Variants in GALNTL6 observed in about 807,000 individuals in gnomAD.
The protein encoded by GALNTL6 is polypeptide N-acetylgalactosaminyltransferase-like 6.
GALNTL6 carries 46 observed loss-of-function variants against 73.7 expected under a neutral mutation model. That is an observed-to-expected ratio of 0.62 (90% CI 0.49 to 0.80). The LOEUF (loss-of-function observed/expected upper bound fraction) is 0.80. Among genes scored for constraint, GALNTL6 ranks in the 30% least tolerant of loss-of-function variants. The pLI, the probability that GALNTL6 is intolerant of heterozygous loss-of-function variation, is 0.00. For synonymous variants in GALNTL6, 259 were observed against 263.7 expected (o/e 0.98, Z 0.17); for missense variants, 604 against 755.0 (o/e 0.80, Z 2.34).
intron 5 of GALNTL6, among the ~76,000 whole-genome samples, chr4:172,630,024 G>A (rs1208581919): frequency 6.6e-6 from 1 of 152,164 alleles, no homozygotes; most frequent in African/African-American, 2.4e-5. Context: ...AGAGAATTCA[G>A]TGTTCAGGAA....
At chr4:172,055,636 A>G (rs1392304840) in intron 2 of GALNTL6, among the ~76,000 whole-genome samples, 2 of 152,116 alleles carry the variant, frequency 1.3e-5, no homozygotes, top group Non-Finnish European at 2.9e-5. Flanking sequence ...AGACATTGCA[A>G]ATGGGAAAAC....
chr4:171,866,582 T>C (rs1417266985), intron 2 of GALNTL6, among the ~76,000 whole-genome samples: 2 of 152,256 alleles, frequency 1.3e-5, no homozygotes, highest in African/African-American at 4.8e-5. Context: ...ATAACTGTTT[T>C]AGTCAGTTCA....
chr4:172,371,784 C>A (rs1316008788), intron 5 of GALNTL6, among the ~76,000 whole-genome samples: 1 of 152,088 alleles, frequency 6.6e-6, no homozygotes, highest in Admixed American at 6.6e-5. Context: ...CCTCTGCCAG[C>A]TGCTTATGCT....
At chr4:172,135,407 AAG>A (rs10602453) in intron 2 of GALNTL6, among the ~76,000 whole-genome samples, 319 of 149,662 alleles carry the variant, frequency 2.1e-3, no homozygotes, top group African/African-American at 6.5e-3. Context: ...ACTTAGGAAA[AAG>A]AGAGAGAGAG....
chr4:171,920,882 T>C (rs887536588), intron 2 of GALNTL6, among the ~76,000 whole-genome samples: 4 of 152,122 alleles, frequency 2.6e-5, no homozygotes, highest in African/African-American at 9.7e-5. Flanking sequence ...ACATACAATC[T>C]TGAATGAATT....
At chr4:172,467,655 T>C (rs1732871390) in intron 5 of GALNTL6, among the ~76,000 whole-genome samples, 3 of 152,160 alleles carry the variant, frequency 2.0e-5, no homozygotes. Context: ...CTAGCCCACA[T>C]TTAAGAGGTG....
At chr4:173,036,177 G>A (rs1753687756) in intron 12 of GALNTL6, among the ~76,000 whole-genome samples, 1 of 152,148 alleles carries the variant, frequency 6.6e-6, no homozygotes, top group African/African-American at 2.4e-5. Flanking sequence ...CCCCATGACT[G>A]TTGTCTCTCC....
rs572048495 is a variant in GALNTL6 at position 172,551,750 on chromosome 4, A to G, written c.553+203061A>G. Among the ~76,000 whole-genome samples the G allele has an allele frequency of 1.5e-3, 221 of 152,258 alleles. 1 individual carries two copies. Among genetic ancestry groups the G allele is most frequent in the South Asian group, 4.1e-3 (20 of 4,828 alleles). ...CTAGCTTCTGCTAAGCTCAGGGTAC[A>G]AAATCTTTCTTTTAACATTGTAATA... is the stretch of plus-strand genomic sequence containing the variant. On this transcript the variant is annotated intron_variant, in intron 5 of 12. Coordinates refer to ENST00000506823, the MANE Select transcript of GALNTL6 (RefSeq NM_001034845.3).
chr4:172,163,046 G>T (rs767093740), intron 2 of GALNTL6, among the ~76,000 whole-genome samples: 5 of 152,032 alleles, frequency 3.3e-5, no homozygotes, highest in Admixed American at 2.0e-4. Context: ...TAGTGAAAAT[G>T]TCCTGGTGAA....
intron 5 of GALNTL6, among the ~76,000 whole-genome samples, chr4:172,533,224 G>C (rs1735227083): frequency 6.6e-6 from 1 of 150,992 alleles, no homozygotes; most frequent in Non-Finnish European, 1.5e-5. Context: ...TGTTGGCCAG[G>C]CTGGTCTTGA....
At chr4:172,121,028 A>G (rs1733135573) in intron 2 of GALNTL6, among the ~76,000 whole-genome samples, 1 of 152,098 alleles carries the variant, frequency 6.6e-6, no homozygotes, top group Admixed American at 6.6e-5. Context: ...GAGACTCTCT[A>G]AAAGAAAATG....
rs1738728741 is a variant in GALNTL6, at chr4:172,273,564, A to C, written c.248-38050A>C. On this transcript the variant is annotated intron_variant, in intron 3 of 12. Transcript: ENST00000506823. The stretch of plus-strand genomic sequence containing the variant: ...TAATACAATGGAAACAGAAAAGAGA[A>C]GCAGGGTAGGAAAGTCAGACAGACT... 3.3e-5 allele frequency among the ~76,000 whole-genome samples: 5 copies of C among 152,350 alleles called. No homozygotes were observed. In the South Asian group the frequency reaches 1.0e-3, roughly 32 times the overall value.
Position 172,846,370 on chromosome 4 carries a change from T to C in GALNTL6, c.923+32647T>C, listed in dbSNP as rs543496461. Among the ~76,000 whole-genome samples the C allele has an allele frequency of 3.9e-5, 6 of 152,302 alleles. No individual in the cohort carries two copies. The South Asian group carries it at 8.3e-4, about 21-fold the overall frequency. On this transcript the variant is annotated intron_variant, in intron 7 of 12. Transcript: ENST00000506823. ...ACTTGAAAAAATACATTTTCACTGC[T>C]AAACAACTGACTTATAAACTGGCAT...
chr4:171,926,477 T>C (rs1737988730), intron 2 of GALNTL6, among the ~76,000 whole-genome samples: 1 of 152,094 alleles, frequency 6.6e-6, no homozygotes, highest in African/African-American at 2.4e-5. Context: ...TATTAATGTG[T>C]TAGAATTCCA....
intron 7 of GALNTL6, among the ~76,000 whole-genome samples, chr4:172,853,004 T>C (rs2111114175): frequency 6.6e-6 from 1 of 152,322 alleles, no homozygotes; most frequent in South Asian, 2.1e-4. Context: ...AGTTACCCAG[T>C]GCTATGTAAT....
intron 5 of GALNTL6, among the ~76,000 whole-genome samples, chr4:172,771,597 C>T (rs1738763737): frequency 2.0e-5 from 3 of 152,154 alleles, no homozygotes; most frequent in South Asian, 4.1e-4. Context: ...TCTTTAACCA[C>T]GTACTTTGAA....
intron 5 of GALNTL6, among the ~76,000 whole-genome samples, chr4:172,585,709 A>G (rs1174766054): frequency 6.6e-6 from 1 of 152,184 alleles, no homozygotes; most frequent in Non-Finnish European, 1.5e-5. Flanking sequence ...TAGTGCTGCA[A>G]TAAGCATACA....
intron 5 of GALNTL6, among the ~76,000 whole-genome samples, chr4:172,415,943 G>A (rs951502744): frequency 2.0e-5 from 3 of 152,120 alleles, no homozygotes; most frequent in Non-Finnish European, 4.4e-5. Context: ...CTGGAACGTA[G>A]CACCAGGCTG....
At chr4:172,585,484 C>T (rs998437676) in intron 5 of GALNTL6, among the ~76,000 whole-genome samples, 1 of 152,172 alleles carries the variant, frequency 6.6e-6, no homozygotes, top group Non-Finnish European at 1.5e-5. Flanking sequence ...TCAACCCCCT[C>T]TTATGAGTGA....
Sources: allele counts gnomAD v4.1 joint callset (sites outside exome capture counted in the v4.1 genomes callset), GRCh38; gene constraint gnomAD v4.1.1; transcripts MANE v1.5; gene names NCBI Gene and HGNC (gene_info 2026-07-23, HGNC 2026-07-21).